Variants in SIRPB1 observed in about 807,000 individuals in gnomAD.
The protein encoded by SIRPB1 is signal-regulatory protein beta-1.
SIRPB1 carries 28 observed loss-of-function variants against 34.1 expected under a neutral mutation model. That is an observed-to-expected ratio of 0.82 (90% CI 0.61 to 1.12). SIRPB1 has a LOEUF of 1.12. SIRPB1 is among the 50% of genes most tolerant of loss of function. The probability of loss-of-function intolerance (pLI) is 0.00; values close to 1 mark genes in which losing one functional copy is unlikely to be tolerated. For synonymous variants in SIRPB1, 211 were observed against 203.8 expected (o/e 1.04, Z -0.30); for missense variants, 499 against 507.0 (o/e 0.98, Z 0.15).
Position 1,585,175 on chromosome 20 carries a change from TGGTCC to T in SIRPB1, c.77-6486_77-6482del, listed in dbSNP as rs1400207173. 2.5e-4 allele frequency among the ~76,000 whole-genome samples: 12 copies of T among 48,862 alleles called. 5 individuals carry two copies. Among genetic ancestry groups the T allele is most frequent in the Non-Finnish European group, 3.9e-4 (10 of 25,328 alleles). 32.1% of individuals were successfully genotyped at this position (48,862 alleles called of 152,430 possible). A position where few individuals can be genotyped will look rare whatever the true frequency, so the allele number is the denominator to read the frequency against. ...TACTAGAAGAAAAGTTCCATGACAT[TGGTCC>T]GGGCAATGAATTTTTGGATATGAGC... On this transcript the variant is annotated intron_variant, in intron 1 of 5. Transcript: ENST00000381605.
At chr20:1,594,307 G>T (rs1171631581) in intron 1 of SIRPB1, among the ~76,000 whole-genome samples, 1 of 49,116 alleles carries the variant, frequency 2.0e-5, no homozygotes, top group Admixed American at 1.4e-4. Flanking sequence ...CCCAAGGAAG[G>T]AACTGTCAAG....
At position 1,619,854 on chromosome 20, in the gene SIRPB1, G is replaced by A. The variant is rs534861371; in HGVS notation, c.76+15C>T. ...GTGGGCAGGAAAAAAGATTTTAACC[G>A]AAGGCAGTGCTCACCTGTGAGTCTC... On this transcript the variant is annotated intron_variant, in intron 1 of 5. Coordinates refer to ENST00000381605, the MANE Select transcript of SIRPB1 (RefSeq NM_006065.5). 10 of 1,587,274 alleles carry A rather than the reference G, an allele frequency of 6.3e-6. No individual in the cohort carries two copies. The highest frequency in any genetic ancestry group is 3.3e-4 in the Middle Eastern group (2 of 5,984).
chr20:1,567,761 G>A (rs1451772753), intron 4 of SIRPB1, among the ~76,000 whole-genome samples: 1 of 152,162 alleles, frequency 6.6e-6, no homozygotes, highest in Non-Finnish European at 1.5e-5. Context: ...ATTGGGAAAT[G>A]GTCGTTATAA....
Position 1,564,213 on chromosome 20 carries a change from C to T in SIRPB1, c.*1287G>A, listed in dbSNP as rs919320193. ...TCTGATTGACTATGGAGACTGCTTTCCTGGGTTTCAGGTTGCACAGTCATT... is the reference window on the plus strand; with the variant it reads ...TCTGATTGACTATGGAGACTGCTTTTCTGGGTTTCAGGTTGCACAGTCATT... On this transcript the variant is annotated 3_prime_UTR_variant, in exon 6 of 6. Transcript: ENST00000381605. The T allele has an allele frequency of 2.0e-5, 3 of 152,154 alleles. No individual in the cohort carries two copies. Among genetic ancestry groups the T allele is most frequent in the African/African-American group, 7.2e-5 (3 of 41,426 alleles). 9.4% of individuals were successfully genotyped at this position (152,154 alleles called of 1,614,324 possible). A position where few individuals can be genotyped will look rare whatever the true frequency, so the allele number is the denominator to read the frequency against.
Position 1,564,736 on chromosome 20 carries a change from T to G in SIRPB1, c.*764A>C. The G allele has an allele frequency of 5.1e-6, 2 of 395,498 alleles. No individual in the cohort carries two copies. The highest frequency in any genetic ancestry group is 4.4e-5 in the Admixed American group (1 of 22,632). The allele number at this position is 395,498 out of a possible 1,614,324, so 24.5% of individuals were successfully genotyped here. A position where few individuals can be genotyped will look rare whatever the true frequency, so the allele number is the denominator to read the frequency against. On this transcript the variant is annotated 3_prime_UTR_variant, in exon 6 of 6. Transcript: ENST00000381605. The stretch of plus-strand genomic sequence containing the variant: ...GTGAAATTGGTCAGGTTGGGAGTTA[T>G]TACACTAGAGAAATTGGCAAGCACT...
chr20:1,578,611 A>G lies in SIRPB1; in HGVS notation c.160T>C (p.Cys54Arg). The G allele has an allele frequency of 3.2e-6, 5 of 1,584,262 alleles. No homozygotes were observed. Among genetic ancestry groups the G allele is most frequent in the Non-Finnish European group, 4.3e-6 (5 of 1,157,668 alleles). Residue 54 changes from cysteine to arginine, a missense_variant, in exon 2 of 6, where the codon TGT becomes CGT. Coordinates refer to ENST00000381605, the MANE Select transcript of SIRPB1 (RefSeq NM_006065.5). ...ACAGGGATCAGGGACGTCATAGCAC[A>G]GCGCAGAGTGGCCGACTCTCCAGCT... ...VAAGESATLR[C>R]AMTSLIPVGP...
chr20:1,571,583 G>T, intron 3 of SIRPB1, 137 bp downstream of exon 3: 3 of 1,262,534 alleles, frequency 2.4e-6, no homozygotes, highest in East Asian at 2.5e-5. Flanking sequence ...GTAAGTGACC[G>T]GCTCACCTAG....
intron 4 of SIRPB1, among the ~76,000 whole-genome samples, chr20:1,566,607 A>G (rs2091140214): frequency 1.3e-5 from 2 of 152,164 alleles, no homozygotes; most frequent in Admixed American, 6.5e-5. Flanking sequence ...TGATGGGGAA[A>G]CTGAGGCCAG....
chr20:1,567,949 A>G (rs1236212422), intron 4 of SIRPB1, among the ~76,000 whole-genome samples: 2 of 152,222 alleles, frequency 1.3e-5, no homozygotes, highest in African/African-American at 4.8e-5. Flanking sequence ...GGTCCTGGGC[A>G]TCATAGAAGA....
In SIRPB1 at chr20:1,572,012, C is replaced by A; in HGVS notation, c.459G>T (p.Ser153=). ...CAGGTGTGGCCCTCACCGCAGGGCC[C>A]GATACCACGGGGGCAGAGGGTTTGG... ...VRAKPSAPVV[S]GPAVRATPEH... Residue 153 remains serine, a synonymous_variant, in exon 3 of 6, where the codon TCG becomes TCT. Coordinates refer to ENST00000381605, the MANE Select transcript of SIRPB1 (RefSeq NM_006065.5). The A allele has an allele frequency of 6.2e-7, 1 of 1,613,940 alleles. No individual in the cohort carries two copies. The highest frequency in any genetic ancestry group is 1.3e-5 in the African/African-American group (1 of 74,988).
rs2091463519 is a variant in SIRPB1 at position 1,598,105 on chromosome 20, C to T, written c.77-19411G>A. The T allele has an allele frequency of 2.7e-5, 10 of 371,480 alleles. 5 individuals are homozygous for T. The South Asian group carries it at 1.5e-3, about 54-fold the overall frequency. 23.0% of individuals were successfully genotyped at this position (371,480 alleles called of 1,614,324 possible). ...TGGGGAAGCTTCTCACCAGCCCCTT[C>T]TCTCAGTCAGAGCCATTCAAGGAAG... On this transcript the variant is annotated intron_variant, in intron 1 of 5. Transcript: ENST00000381605.
intron 1 of SIRPB1, among the ~76,000 whole-genome samples, chr20:1,617,892 T>C (rs917168111): frequency 7.2e-5 from 11 of 152,212 alleles, no homozygotes; most frequent in African/African-American, 2.7e-4. Flanking sequence ...ATCTCCTGTG[T>C]GTGCATGTAC....
rs138844422 is a variant in SIRPB1, at chr20:1,570,692, C to T, written c.1084+113G>A. 295 of 916,804 alleles carry T rather than the reference C, an allele frequency of 3.2e-4. 1 individual carries two copies. The East Asian group carries it at 5.1e-3, about 16-fold the overall frequency. The allele number at this position is 916,804 out of a possible 1,614,324, so 56.8% of individuals were successfully genotyped here. On this transcript the variant is annotated intron_variant, in intron 4 of 5. Transcript: ENST00000381605. ...ATGGAGTGTAGGATTTTAATGTAGA[C>T]GTTAAAATTCTACTTTATATTTATA...
At chr20:1,614,361 A>G (rs1305878575) in intron 1 of SIRPB1, among the ~76,000 whole-genome samples, 2 of 152,172 alleles carry the variant, frequency 1.3e-5, no homozygotes, top group Non-Finnish European at 2.9e-5. Flanking sequence ...TCAATATCCC[A>G]CAAACAAGCT....
chr20:1,578,701 A>C lies in SIRPB1; in HGVS notation c.77-7T>G, dbSNP rs771533253. 4 of 1,555,472 alleles carry C rather than the reference A, an allele frequency of 2.6e-6. No homozygotes were observed. Among genetic ancestry groups the C allele is most frequent in the Non-Finnish European group, 3.5e-6 (4 of 1,131,204 alleles). Reference sequence around the variant, plus strand: ...TCGTCCTCACCTGCCACTCCTGGAAAGGAGCACAAAGCAGTCATTTCTTCA... The same window carrying C: ...TCGTCCTCACCTGCCACTCCTGGAACGGAGCACAAAGCAGTCATTTCTTCA... On this transcript the variant is annotated splice_polypyrimidine_tract_variant and splice_region_variant and intron_variant, in intron 1 of 5. Transcript: ENST00000381605.
chr20:1,578,443 T>C lies in SIRPB1; in HGVS notation c.328A>G (p.Ile110Val). ...TAGGTGCCGGCGTCTGCTGGGGTGA[T>C]GTTACTGATGCTGATGGAAAAGTCC... ...NLDFSISISN[I>V]TPADAGTYYC... is the part of the protein sequence containing the mutation. The change falls in exon 2 of 6, where the codon ATC becomes GTC. Residue 110 changes from isoleucine (I) to valine (V), a missense_variant. Transcript: ENST00000381605. The C allele has an allele frequency of 6.3e-7, 1 of 1,584,702 alleles. No individual in the cohort carries two copies. Among genetic ancestry groups the C allele is most frequent in the South Asian group, 1.1e-5 (1 of 90,524 alleles).
At position 1,565,918 on chromosome 20, in the gene SIRPB1, C is replaced by T. The variant is rs116264607; in HGVS notation, c.*2+235G>A. Among the ~76,000 whole-genome samples, 450 of 152,118 alleles carry T rather than the reference C, an allele frequency of 3.0e-3. 4 individuals are homozygous for T. The highest frequency in any genetic ancestry group is 0.01 in the African/African-American group (432 of 41,504). On this transcript the variant is annotated intron_variant, in intron 5 of 5. Coordinates refer to ENST00000381605, the MANE Select transcript of SIRPB1 (RefSeq NM_006065.5). The stretch of plus-strand genomic sequence containing the variant: ...AGGCCACTGGGGACAACTTTGAACC[C>T]CCTTGAAGCATCCCACCTCCTGTAA...
chr20:1,570,304 G>T (rs1327136424), intron 4 of SIRPB1, among the ~76,000 whole-genome samples: 2 of 152,192 alleles, frequency 1.3e-5, no homozygotes, highest in Non-Finnish European at 2.9e-5. Flanking sequence ...GTCACCTGGG[G>T]GTCTGTCCAG....
In SIRPB1 at chr20:1,571,119, A is replaced by G. The variant is rs2091228769; in HGVS notation, c.770T>C (p.Val257Ala). ...CTCTGCCCTCATGGGCTGTTGAGTA[A>G]CCTCCAAGGTGGGTGGAACTGAAAC... is the stretch of plus-strand genomic sequence containing the variant. ...EAIRVPPTLE[V>A]TQQPMRAENQ... Residue 257 changes from valine (V) to alanine (A), a missense_variant, in exon 4 of 6, where the codon GTT becomes GCT. Physicochemically the swap from Val to Ala is moderately conservative, Grantham distance 64. Transcript: ENST00000381605. 3 of 1,613,548 alleles carry G rather than the reference A, an allele frequency of 1.9e-6. No homozygotes were observed. The South Asian group carries it at 3.3e-5, about 18-fold the overall frequency.
Sources: allele counts gnomAD v4.1 joint callset (sites outside exome capture counted in the v4.1 genomes callset), GRCh38; gene constraint gnomAD v4.1.1; transcripts MANE v1.5; gene names NCBI Gene and HGNC (gene_info 2026-07-23, HGNC 2026-07-21).